The following ZNF600 variants were observed in gnomAD, a reference collection of about 807,000 sequenced individuals.
The protein encoded by ZNF600 is zinc finger protein KR-ZNF1.
A neutral mutation model predicts 7.3 loss-of-function variants in ZNF600; 4 were observed. The observed-to-expected ratio is 0.55, with a 90% CI of 0.27 to 1.25. The LOEUF (loss-of-function observed/expected upper bound fraction) is 1.25. Among genes scored for constraint, ZNF600 ranks in the 50% most tolerant of loss-of-function variants. ZNF600 has a pLI of 0.12. For synonymous variants in ZNF600, 290 were observed against 308.9 expected (o/e 0.94, Z 0.64); for missense variants, 911 against 922.1 (o/e 0.99, Z 0.16).
At chr19:52,793,232 T>C in the ZNF600 span, among the ~76,000 whole-genome samples, 3 of 152,176 alleles carry the variant, frequency 2.0e-5, no homozygotes, top group South Asian at 6.2e-4. Flanking sequence ...ATGTAATGTA[T>C]AAAATTAAGC....
the ZNF600 span, chr19:52,805,543 C>T: frequency 6.6e-6 from 1 of 151,898 alleles, no homozygotes; most frequent in Non-Finnish European, 1.5e-5. Flanking sequence ...AGGAGAATTG[C>T]TTGAACCCAG....
At chr19:52,765,613 C>T (rs201797333) in exon 4 of ZNF600, 52 of 1,613,674 alleles carry the variant, frequency 3.2e-5, no homozygotes, top group Middle Eastern at 3.3e-4. Flanking sequence ...ACACCATGAA[C>T]TGCCTGATGG....
At chr19:52,793,692 G>A in the ZNF600 span, among the ~76,000 whole-genome samples, 4 of 151,316 alleles carry the variant, frequency 2.6e-5, no homozygotes, top group African/African-American at 4.9e-5. Context: ...GCTTGAACCC[G>A]GAAGAAGGAG....
Position 52,765,556 on chromosome 19 carries a change from C to T in ZNF600, c.*31G>A, listed in dbSNP as rs779129631. 3.2e-5 allele frequency: 52 copies of T among 1,613,324 alleles called. No homozygotes were observed. In the South Asian group the frequency reaches 3.4e-4, roughly 11 times the overall value. On this transcript the variant is annotated 3_prime_UTR_variant, in exon 4 of 4. Coordinates refer to ENST00000648973, the Ensembl canonical transcript of ZNF600. Reference sequence around the variant, plus strand: ...CTCCAATGATTTGCAATGGTTGTAGCGTTACTGAAGACTTTGTGACAATCA... The same window carrying T: ...CTCCAATGATTTGCAATGGTTGTAGTGTTACTGAAGACTTTGTGACAATCA...
At chr19:52,786,949 A>T (rs2062769797), upstream of ZNF600, among the ~76,000 whole-genome samples, 1 of 152,200 alleles carries the variant, frequency 6.6e-6, no homozygotes, top group Non-Finnish European at 1.5e-5. Context: ...GAGTTTTTGG[A>T]GGCGACAGCG....
the ZNF600 span, among the ~76,000 whole-genome samples, chr19:52,818,387 G>A: frequency 6.6e-6 from 1 of 152,138 alleles, no homozygotes; most frequent in Non-Finnish European, 1.5e-5. Flanking sequence ...GACCAGCCTG[G>A]CCAACATGGA....
chr19:52,780,212 A>T (rs2147557044), intron 1 of ZNF600, among the ~76,000 whole-genome samples: 1 of 152,238 alleles, frequency 6.6e-6, no homozygotes, highest in South Asian at 2.1e-4. Context: ...CTCTGCGCCG[A>T]CCACCCTGGG....
At chr19:52,815,308 G>T in the ZNF600 span, among the ~76,000 whole-genome samples, 387 of 143,818 alleles carry the variant, frequency 2.7e-3, 52 homozygotes, top group African/African-American at 9.5e-3. Flanking sequence ...CTGAAGACAG[G>T]AGTTCAACAT....
the ZNF600 span, among the ~76,000 whole-genome samples, chr19:52,820,689 T>C: frequency 2.0e-5 from 3 of 152,310 alleles, no homozygotes; most frequent in East Asian, 5.8e-4. Flanking sequence ...TCCACATTTC[T>C]GCCCCTCTCC....
chr19:52,820,203 T>C, the ZNF600 span, among the ~76,000 whole-genome samples: 165 of 137,556 alleles, frequency 1.2e-3, 26 homozygotes, highest in African/African-American at 4.4e-3. Context: ...CTGCAAGCTC[T>C]GCTTCCCGGG....
chr19:52,774,558 G>C lies in ZNF600; in HGVS notation c.190+17C>G. ...AAGAGCAGACTCCTCATGTCTGGGG[G>C]ACATCATTTTCCTCACCCACAGCTT... On this transcript the variant is annotated intron_variant, in intron 3 of 3. Transcript: ENST00000648973. 1.0e-6 allele frequency: 1 copy of C among 984,864 alleles called. No homozygotes were observed. Among genetic ancestry groups the C allele is most frequent in the Non-Finnish European group, 1.2e-6 (1 of 829,888 alleles). 61.0% of individuals were successfully genotyped at this position (984,864 alleles called of 1,614,324 possible). A position where few individuals can be genotyped will look rare whatever the true frequency, so the allele number is the denominator to read the frequency against.
chr19:52,787,354 C>T (rs1273703275), upstream of ZNF600, among the ~76,000 whole-genome samples: 1 of 152,006 alleles, frequency 6.6e-6, no homozygotes. Context: ...CAAAGTAACA[C>T]CCCCTAACTG....
the ZNF600 span, among the ~76,000 whole-genome samples, chr19:52,833,193 A>G: frequency 6.6e-6 from 1 of 152,186 alleles, no homozygotes; most frequent in African/African-American, 2.4e-5. Context: ...TATGTATTTC[A>G]TATGTAGTTT....
At position 52,779,663 on chromosome 19, in the gene ZNF600, G is replaced by A. The variant is rs146280343; in HGVS notation, c.-19-756C>T. The stretch of plus-strand genomic sequence containing the variant: ...AGTCAAGCTGGGAACTGCTTAGTGA[G>A]CCAGACTCCCCTTCTATTCAAAGTC... On this transcript the variant is annotated intron_variant, in intron 1 of 3. Transcript: ENST00000648973. Among the ~76,000 whole-genome samples, 389 of 152,294 alleles carry A rather than the reference G, an allele frequency of 2.6e-3. 2 individuals are homozygous for A. The highest frequency in any genetic ancestry group is 8.9e-3 in the African/African-American group (369 of 41,578).
chr19:52,821,983 G>A, the ZNF600 span, among the ~76,000 whole-genome samples: 1 of 150,824 alleles, frequency 6.6e-6, no homozygotes, highest in African/African-American at 2.4e-5. Context: ...ACTCTTTTCC[G>A]TGTGGATATC....
At chr19:52,798,550 G>A in the ZNF600 span, 8 of 506,062 alleles carry the variant, frequency 1.6e-5, 1 homozygote, top group African/African-American at 9.8e-5. Context: ...ATTCTCTGAT[G>A]TCTATTGAGG....
exon 2 of ZNF600, chr19:52,778,870 C>G (rs8107851): frequency 0.11 from 176,920 of 1,602,488 alleles, 12,292 homozygotes; most frequent in African/African-American, 0.32. Flanking sequence ...CTCTTCTGAG[C>G]TGCTTCTTCA....
chr19:52,773,686 T>C (rs758353213), intron 3 of ZNF600, among the ~76,000 whole-genome samples: 1 of 151,840 alleles, frequency 6.6e-6, no homozygotes, highest in Non-Finnish European at 1.5e-5. Flanking sequence ...CAGGCCAGCA[T>C]GGTGAAACAC....
intron 3 of ZNF600, among the ~76,000 whole-genome samples, chr19:52,768,696 C>T (rs1568626576): frequency 6.6e-6 from 1 of 151,972 alleles, no homozygotes; most frequent in Non-Finnish European, 1.5e-5. Context: ...CAGGCATGCA[C>T]AACTATGCCT....
Sources: allele counts gnomAD v4.1 joint callset (sites outside exome capture counted in the v4.1 genomes callset), GRCh38; gene constraint gnomAD v4.1.1; transcripts MANE v1.5; gene names NCBI Gene and HGNC (gene_info 2026-07-23, HGNC 2026-07-21).